Variants in PLAA observed in about 807,000 individuals in gnomAD.
The protein encoded by PLAA is phospholipase A-2-activating protein.
A neutral mutation model predicts 84.1 loss-of-function variants in PLAA; 48 were observed. The ratio of observed to expected loss-of-function variants is 0.57; its 90% CI spans 0.45 to 0.73. The LOEUF (loss-of-function observed/expected upper bound fraction) is 0.73. Among genes scored for constraint, PLAA ranks in the 30% least tolerant of loss-of-function variants. The pLI, the probability that PLAA is intolerant of heterozygous loss-of-function variation, is 0.00. For synonymous variants in PLAA, 392 were observed against 336.6 expected, an observed-to-expected ratio of 1.16 and a Z score of -1.80; for missense variants, 903 against 954.7, an observed-to-expected ratio of 0.95 and a Z score of 0.71.
At chr9:26,914,043 C>A in intron 10 of PLAA, 96 bp from the exon 11 acceptor site, 3 of 835,002 alleles carry the variant, frequency 3.6e-6, no homozygotes, top group Non-Finnish European at 6.1e-6. Context: ...GCACACTTCA[C>A]AATGGCGTCA....
At chr9:26,910,981 A>C (rs1824381873) in intron 11 of PLAA, among the ~76,000 whole-genome samples, 1 of 152,046 alleles carries the variant, frequency 6.6e-6, no homozygotes, top group South Asian at 2.1e-4. Flanking sequence ...CATTTTCTCT[A>C]ATCTTTTTCT....
rs754439585 is a variant in PLAA at position 26,928,179 on chromosome 9, T to C, written c.486A>G (p.Glu162=). 1 of 1,614,184 alleles carries C rather than the reference T, an allele frequency of 6.2e-7. No individual in the cohort carries two copies. Among genetic ancestry groups the C allele is most frequent in the Non-Finnish European group, 8.5e-7 (1 of 1,180,030 alleles). Reference sequence around the variant, plus strand: ...CTGATCCAGTCAACATTAAGCCCTGTTCAGGTAAGATCTTTACCGCCCACA... The same window carrying C: ...CTGATCCAGTCAACATTAAGCCCTGCTCAGGTAAGATCTTTACCGCCCACA... ...AAVWAVKILP[E]QGLMLTGSAD... is the part of the protein sequence containing the mutation. Residue 162 remains glutamate, a synonymous_variant, in exon 4 of 14, where the codon GAA becomes GAG. Transcript: ENST00000397292.
intron 1 of PLAA, among the ~76,000 whole-genome samples, chr9:26,945,032 C>A (rs145288887): frequency 2.8e-4 from 42 of 152,100 alleles, no homozygotes; most frequent in African/African-American, 8.7e-4. Flanking sequence ...GAGGCTGAGG[C>A]AAGAGAATCG....
rs181884910 is a variant in PLAA at position 26,930,835 on chromosome 9, G to A, written c.344-2427C>T. 3.0e-4 allele frequency among the ~76,000 whole-genome samples: 46 copies of A among 151,410 alleles called. 1 individual carries two copies. The highest frequency in any genetic ancestry group is 9.9e-4 in the African/African-American group (41 of 41,296). On this transcript the variant is annotated intron_variant, in intron 2 of 13. Coordinates refer to ENST00000397292, the MANE Select transcript of PLAA (RefSeq NM_001031689.3). The stretch of plus-strand genomic sequence containing the variant: ...TGACTTCAAGTGATCCACCCACCTC[G>A]GCCTCCCAAAGTGCTGGGATTACAG...
chr9:26,913,880 T>C lies in PLAA; in HGVS notation c.1554A>G (p.Thr518=), dbSNP rs746152550. 3.7e-6 allele frequency: 6 copies of C among 1,602,076 alleles called. No homozygotes were observed. The highest frequency in any genetic ancestry group is 4.3e-6 in the Non-Finnish European group (5 of 1,169,736). Residue 518 remains threonine, a splice_region_variant and synonymous_variant, in exon 11 of 14, where the codon ACA becomes ACG. Coordinates refer to ENST00000397292, the MANE Select transcript of PLAA (RefSeq NM_001031689.3). The part of the protein sequence containing the change: ...GTTMAGVDPF[T]GNSAYRSAAS... Reference sequence around the variant, plus strand: ...GAAAAAGAAATAAAAAGTATGTACCTGTAAATGGATCAACTCCGGCCATGG... The same window carrying C: ...GAAAAAGAAATAAAAAGTATGTACCCGTAAATGGATCAACTCCGGCCATGG...
At position 26,910,386 on chromosome 9, in the gene PLAA, T is replaced by C; in HGVS notation, c.1609A>G (p.Lys537Glu). 2 of 1,613,528 alleles carry C rather than the reference T, an allele frequency of 1.2e-6. No individual in the cohort carries two copies. The highest frequency in any genetic ancestry group is 1.7e-6 in the Non-Finnish European group (2 of 1,179,674). The change falls in exon 12 of 14, where the codon AAA becomes GAA. Residue 537 changes from lysine (K) to glutamate (E), a missense_variant. By Grantham distance (56) the Lys-to-Glu change is moderately conservative. Transcript: ENST00000397292. ...ASKTMNIYFP[K>E]KEAVTFDQAN... is the part of the protein sequence containing the mutation. ...TGGTCAAATGTGACAGCCTCTTTTT[T>C]AGGGAAATAAATATTCATTGTTTTA...
In PLAA at chr9:26,935,056, G is replaced by A. The variant is rs745826532; in HGVS notation, c.300C>T (p.Asp100=). The A allele has an allele frequency of 1.9e-6, 3 of 1,608,674 alleles. No individual in the cohort carries two copies. The highest frequency in any genetic ancestry group is 1.7e-6 in the Non-Finnish European group (2 of 1,178,170). The change falls in exon 2 of 14, where the codon GAC becomes GAT. Residue 100 remains aspartate (D), a synonymous_variant. Coordinates refer to ENST00000397292, the MANE Select transcript of PLAA (RefSeq NM_001031689.3). ...TTAGAATATAAAGTGGCATTGGACT[G>A]TCCAGTGAGAAAATGCATATATTGT... ...NDHNICIFSL[D]SPMPLYILKG...
Position 26,926,459 on chromosome 9 carries a change from A to T in PLAA, c.667T>A (p.Cys223Ser). 6.2e-7 allele frequency: 1 copy of T among 1,612,408 alleles called. No homozygotes were observed. Among genetic ancestry groups the T allele is most frequent in the Non-Finnish European group, 8.5e-7 (1 of 1,178,604 alleles). The part of the protein sequence containing the change: ...SIRRWQITGE[C>S]LEVYYGHTNY... The stretch of plus-strand genomic sequence containing the variant: ...GTATGTCCATAATATACTTCAAGAC[A>T]CTCGCCAGTGATTTGCCACCTTCTA... The change falls in exon 5 of 14, where the codon TGT becomes AGT. Residue 223 changes from cysteine to serine, a missense_variant. Coordinates refer to ENST00000397292, the MANE Select transcript of PLAA (RefSeq NM_001031689.3).
intron 7 of PLAA, among the ~76,000 whole-genome samples, chr9:26,922,755 C>T (rs1339531188): frequency 3.3e-5 from 5 of 151,882 alleles, no homozygotes; most frequent in African/African-American, 1.2e-4. Context: ...CAGCCTCAAC[C>T]TTCTGGGCTC....
chr9:26,929,610 T>A (rs1217406729), intron 2 of PLAA, among the ~76,000 whole-genome samples: 2 of 152,242 alleles, frequency 1.3e-5, no homozygotes, highest in African/African-American at 4.8e-5. Flanking sequence ...AAAGTCTCTC[T>A]ACCCTGAGCT....
At chr9:26,933,265 T>TAA (rs11299663) in intron 2 of PLAA, among the ~76,000 whole-genome samples, 4 of 137,182 alleles carry the variant, frequency 2.9e-5, no homozygotes, top group East Asian at 4.2e-4. Flanking sequence ...AGACTCTGTC[T>TAA]AAAAAAAAAA....
chr9:26,929,252 TG>T (rs1222123386), intron 2 of PLAA, among the ~76,000 whole-genome samples: 1 of 151,676 alleles, frequency 6.6e-6, no homozygotes, highest in Non-Finnish European at 1.5e-5. Flanking sequence ...GGCTCATGCC[TG>T]TAATCCTAGC....
At chr9:26,946,273 T>C (rs1825706812) in intron 1 of PLAA, among the ~76,000 whole-genome samples, 1 of 151,870 alleles carries the variant, frequency 6.6e-6, no homozygotes. Flanking sequence ...TTTTCTTCTT[T>C]TTTTTTTTGG....
chr9:26,915,925 T>TA (rs1824538636), intron 10 of PLAA: 1 of 985,326 alleles, frequency 1.0e-6, no homozygotes, highest in Admixed American at 6.1e-5. Context: ...GAACTGCTGA[T>TA]AGAGAGAAAG....
At chr9:26,906,200 G>T in intron 13 of PLAA, 124 bp from the exon 14 acceptor site, 1 of 569,240 alleles carries the variant, frequency 1.8e-6, no homozygotes, top group Non-Finnish European at 2.8e-6. Flanking sequence ...GAAAAATCAT[G>T]TGTCTGCTTT....
intron 1 of PLAA, among the ~76,000 whole-genome samples, chr9:26,946,333 C>G (rs1010356070): frequency 1.3e-5 from 2 of 151,630 alleles, no homozygotes; most frequent in Non-Finnish European, 2.9e-5. Flanking sequence ...TGCTGCTTCT[C>G]CTCAAGAAAC....
chr9:26,919,291 A>C lies in PLAA; in HGVS notation c.1417+19T>G. On this transcript the variant is annotated intron_variant, in intron 9 of 13. Coordinates refer to ENST00000397292, the MANE Select transcript of PLAA (RefSeq NM_001031689.3). ...ACACTAATGGAACTACATAAGACTC[A>C]ATATAAACACTAACTTACCTGTAAA... is the stretch of plus-strand genomic sequence containing the variant. 1 of 1,509,656 alleles carries C rather than the reference A, an allele frequency of 6.6e-7. No individual in the cohort carries two copies. Among genetic ancestry groups the C allele is most frequent in the Non-Finnish European group, 9.1e-7 (1 of 1,094,102 alleles). 93.5% of individuals were successfully genotyped at this position (1,509,656 alleles called of 1,614,324 possible).
chr9:26,907,745 C>G, intron 13 of PLAA, 89 bp downstream of exon 13: 10 of 1,180,730 alleles, frequency 8.5e-6, no homozygotes, highest in Non-Finnish European at 1.2e-5. Context: ...AGTTAACTTT[C>G]ATTTAATCCA....
chr9:26,919,785 C>T (rs528006755), intron 8 of PLAA, among the ~76,000 whole-genome samples: 9 of 152,216 alleles, frequency 5.9e-5, no homozygotes, highest in African/African-American at 2.2e-4. Context: ...ACTCTAGAGC[C>T]AAAGCAGAGT....
Sources: allele counts gnomAD v4.1 joint callset (sites outside exome capture counted in the v4.1 genomes callset), GRCh38; gene constraint gnomAD v4.1.1; transcripts MANE v1.5; gene names NCBI Gene and HGNC (gene_info 2026-07-23, HGNC 2026-07-21).